ABCG1: variants seen among roughly 807,000 people sequenced by gnomAD.
The protein encoded by ABCG1 is ATP binding cassette subfamily G member 1.
Under a neutral mutation model 69.2 loss-of-function variants are expected in ABCG1, and 29 were observed. The observed-to-expected ratio is 0.42, with a 90% CI of 0.31 to 0.57. The LOEUF (loss-of-function observed/expected upper bound fraction) is 0.57, where lower values mean the gene tolerates loss of function less well. Ranked by LOEUF, ABCG1 falls within the 20% of genes least tolerant of loss-of-function variation. The pLI is 0.15. For synonymous variants in ABCG1, 370 were observed against 374.8 expected, an observed-to-expected ratio of 0.99 and a Z score of 0.15; for missense variants, 718 against 898.1, an observed-to-expected ratio of 0.80 and a Z score of 2.56.
At position 42,242,923 on chromosome 21, in the gene ABCG1, G is replaced by A. The variant is rs898466711; in HGVS notation, c.286+17009G>A. On this transcript the variant is annotated intron_variant, in intron 2 of 14. Coordinates refer to ENST00000398449, the MANE Select transcript of ABCG1 (RefSeq NM_016818.3). ...GCAGGTTTGGGGCAGGCAGGGTTCC[G>A]TGTCTGATAAGTATGGGGCGATGCT... Among the ~76,000 whole-genome samples the A allele has an allele frequency of 4.8e-4, 73 of 152,298 alleles. 1 individual carries two copies. Among genetic ancestry groups the A allele is most frequent in the Non-Finnish European group, 9.9e-4 (67 of 68,008 alleles).
At chr21:42,279,115 G>C (rs1435969023) in intron 5 of ABCG1, among the ~76,000 whole-genome samples, 1 of 152,068 alleles carries the variant, frequency 6.6e-6, no homozygotes, top group Non-Finnish European at 1.5e-5. Flanking sequence ...CAATCTCTTT[G>C]TCTCGGATAG....
At chr21:42,271,746 G>C (rs751206092) in intron 3 of ABCG1, among the ~76,000 whole-genome samples, 1 of 152,138 alleles carries the variant, frequency 6.6e-6, no homozygotes, top group South Asian at 2.1e-4. Flanking sequence ...TTAGCTGGGC[G>C]TGGTGGCAGG....
In ABCG1 at chr21:42,219,780, G is replaced by T. The variant is rs572364964; in HGVS notation, c.42+476G>T. The T allele has an allele frequency of 1.4e-6, 2 of 1,414,550 alleles. No individual in the cohort carries two copies. The highest frequency in any genetic ancestry group is 2.8e-5 in the Admixed American group (1 of 35,190). 87.6% of individuals were successfully genotyped at this position (1,414,550 alleles called of 1,614,324 possible). ...GCCATCCCCAGGAACGCCAGGCAAG[G>T]TCTGGGGGAACAAAAGAGGAAGCTG... is the stretch of plus-strand genomic sequence containing the variant. On this transcript the variant is annotated intron_variant, in intron 1 of 14. Coordinates refer to ENST00000398449, the MANE Select transcript of ABCG1 (RefSeq NM_016818.3). This position sits in a 1 kb window ranked among gnomAD's most constrained non-coding sequence, Gnocchi z 5.3.
At chr21:42,231,798 C>A (rs1601362324) in intron 2 of ABCG1, among the ~76,000 whole-genome samples, 1 of 152,342 alleles carries the variant, frequency 6.6e-6, no homozygotes, top group East Asian at 1.9e-4. Flanking sequence ...AAGTGAGTTA[C>A]TTTTGTGCTT....
chr21:42,253,552 AG>A (rs2068256538), intron 2 of ABCG1, among the ~76,000 whole-genome samples: 2 of 152,162 alleles, frequency 1.3e-5, no homozygotes, highest in Admixed American at 1.3e-4. Context: ...CCAGGCAAGC[AG>A]CCCCTCCTAG....
intron 2 of ABCG1, among the ~76,000 whole-genome samples, chr21:42,207,586 T>C (rs747597579): frequency 1.3e-5 from 2 of 152,272 alleles, no homozygotes; most frequent in African/African-American, 2.4e-5. Context: ...TTGATTGGCA[T>C]CCATCCATTA....
In ABCG1 at chr21:42,291,451, G is replaced by C. The variant is rs369855495; in HGVS notation, c.1495-47G>C. On this transcript the variant is annotated intron_variant, in intron 12 of 14. Coordinates refer to ENST00000398449, the MANE Select transcript of ABCG1 (RefSeq NM_016818.3). This position sits in a 1 kb window ranked among gnomAD's most constrained non-coding sequence, Gnocchi z 6.4. ...CCAGGAGCTTTGCTGTTGGCCTGCT[G>C]TGGTGGGAAGCGGCTGAGCCCGCGG... 108 of 1,579,954 alleles carry C rather than the reference G, an allele frequency of 6.8e-5. No homozygotes were observed. The highest frequency in any genetic ancestry group is 8.5e-5 in the Non-Finnish European group (98 of 1,158,088).
chr21:42,294,703 C>G, intron 14 of ABCG1, 43 bp downstream of exon 14: 2 of 1,554,388 alleles, frequency 1.3e-6, no homozygotes, highest in Non-Finnish European at 1.8e-6. Context: ...CCGAGGGTGA[C>G]GGGGGAAGAA....
intron 5 of ABCG1, among the ~76,000 whole-genome samples, chr21:42,278,986 G>A (rs3787997): frequency 0.28 from 43,056 of 151,822 alleles, 6,458 homozygotes; most frequent in Middle Eastern, 0.4. Context: ...TTTTCCACCC[G>A]GAGACTCAAG....
At chr21:42,202,603 G>T (rs2067515029) in intron 2 of ABCG1, among the ~76,000 whole-genome samples, 1 of 149,748 alleles carries the variant, frequency 6.7e-6, no homozygotes, top group African/African-American at 2.5e-5. Context: ...AGTCACAACA[G>T]TCTCTCTCCC....
chr21:42,279,252 T>A (rs1460063022), intron 5 of ABCG1, among the ~76,000 whole-genome samples: 2 of 151,660 alleles, frequency 1.3e-5, no homozygotes, highest in African/African-American at 4.9e-5. Flanking sequence ...AGCCAAGAGC[T>A]CTGGAGAGGG....
At chr21:42,278,672 G>T (rs2068752346) in intron 5 of ABCG1, among the ~76,000 whole-genome samples, 1 of 152,218 alleles carries the variant, frequency 6.6e-6, no homozygotes, top group Admixed American at 6.5e-5. Context: ...AGTTTCTGTT[G>T]TGGAAACCAG....
In ABCG1 at chr21:42,259,404, G is replaced by A. The variant is rs770534405; in HGVS notation, c.287-11666G>A. ...GACAGACTGCGTGTCCTGCAAAATCGAAAATGTCTGTGATTCAGCTCTTCA... is the reference window on the plus strand; with the variant it reads ...GACAGACTGCGTGTCCTGCAAAATCAAAAATGTCTGTGATTCAGCTCTTCA... On this transcript the variant is annotated intron_variant, in intron 2 of 14. Transcript: ENST00000398449. 1,103 of 1,550,044 alleles carry A rather than the reference G, an allele frequency of 7.1e-4. 1 individual carries two copies. The highest frequency in any genetic ancestry group is 9.0e-4 in the Non-Finnish European group (1,029 of 1,147,000).
Position 42,284,591 on chromosome 21 carries a change from G to A in ABCG1, c.766G>A (p.Val256Ile). 1 of 1,613,878 alleles carries A rather than the reference G, an allele frequency of 6.2e-7. No homozygotes were observed. The highest frequency in any genetic ancestry group is 8.5e-7 in the Non-Finnish European group (1 of 1,180,034). The change falls in exon 7 of 15, where the codon GTC becomes ATC. Residue 256 changes from valine (V) to isoleucine (I), a missense_variant. By Grantham distance (29) the Val-to-Ile change is conservative. This residue lies in a region of ABCG1 where 514 missense variants were observed against 574.3 expected (regional missense o/e 0.90). Transcript: ENST00000398449. Reference sequence around the variant, plus strand: ...GGACAGCGCCTCCTGCTTCCAGGTGGTCTCGCTGATGAAAGGGCTCGCTCA... The same window carrying A: ...GGACAGCGCCTCCTGCTTCCAGGTGATCTCGCTGATGAAAGGGCTCGCTCA... ...GLDSASCFQVVSLMKGLAQGG... is the reference protein window; with the variant it reads ...GLDSASCFQVISLMKGLAQGG...
intron 1 of ABCG1, among the ~76,000 whole-genome samples, chr21:42,224,958 T>TTA (rs1302783651): frequency 6.6e-6 from 1 of 151,416 alleles, no homozygotes; most frequent in African/African-American, 2.4e-5. Flanking sequence ...TTTTTTTTTT[T>TTA]ATGACTCAAA....
chr21:42,277,766 G>A lies in ABCG1; in HGVS notation c.588+821G>A, dbSNP rs113143598. 4.3e-3 allele frequency among the ~76,000 whole-genome samples: 656 copies of A among 152,344 alleles called. 1 individual carries two copies. Among genetic ancestry groups the A allele is most frequent in the African/African-American group, 0.015 (621 of 41,578 alleles). ...TTTGCCGGGTTAGTGCCAATGGCTCGACATGGCCCTTTGTGTTCTGGTATA... is the reference window on the plus strand; with the variant it reads ...TTTGCCGGGTTAGTGCCAATGGCTCAACATGGCCCTTTGTGTTCTGGTATA... On this transcript the variant is annotated intron_variant, in intron 5 of 14. Transcript: ENST00000398449.
In ABCG1 at chr21:42,291,425, C is replaced by T. The variant is rs2069056641; in HGVS notation, c.1495-73C>T. On this transcript the variant is annotated intron_variant, in intron 12 of 14. Coordinates refer to ENST00000398449, the MANE Select transcript of ABCG1 (RefSeq NM_016818.3). The surrounding 1 kb of genome is among the most constrained non-coding windows in gnomAD (Gnocchi z 6.4). ...GGGAGCTGCGGGGAAGGGCTGGCTGCCCAGGAGCTTTGCTGTTGGCCTGCT... is the reference window on the plus strand; with the variant it reads ...GGGAGCTGCGGGGAAGGGCTGGCTGTCCAGGAGCTTTGCTGTTGGCCTGCT... 6 of 1,554,892 alleles carry T rather than the reference C, an allele frequency of 3.9e-6. No individual in the cohort carries two copies. In the South Asian group the frequency reaches 7.2e-5, roughly 19 times the overall value.
chr21:42,266,963 G>T (rs2068516209), intron 2 of ABCG1, among the ~76,000 whole-genome samples: 1 of 152,178 alleles, frequency 6.6e-6, no homozygotes. Context: ...TTTCCCAGAG[G>T]AGTCTGGTTG....
At chr21:42,284,260 T>G (rs1314539338) in intron 6 of ABCG1, among the ~76,000 whole-genome samples, 1 of 141,614 alleles carries the variant, frequency 7.1e-6, no homozygotes. Context: ...AGTTGTGAAG[T>G]CCCTCCCTGC....
Sources: gnomAD v4.1 joint callset for allele counts (sites outside exome capture counted in the v4.1 genomes callset) on GRCh38, gnomAD v4.1.1 for gene constraint, gnomAD v4.1.1 regional missense constraint, Gnocchi (gnomAD v3.1) non-coding constraint, MANE v1.5 for transcripts, NCBI Gene and HGNC (gene_info 2026-07-23, HGNC 2026-07-21) for gene names.